ADAMTS14: variants seen among roughly 807,000 people sequenced by gnomAD.
The protein encoded by ADAMTS14 is A disintegrin and metalloproteinase with thrombospondin motifs 14.
Under a neutral mutation model 128.6 loss-of-function variants are expected in ADAMTS14, and 100 were observed. The ratio of observed to expected loss-of-function variants is 0.78; its 90% CI spans 0.66 to 0.92. The LOEUF (loss-of-function observed/expected upper bound fraction) is 0.92, where lower values mean the gene tolerates loss of function less well. ADAMTS14 is among the 40% of genes least tolerant of loss of function. The pLI is 0.00. For missense variants in ADAMTS14, 1,562 were observed against 1,658.6 expected (o/e 0.94, Z 1.01); for synonymous variants, 665 against 653.8 (o/e 1.02, Z -0.26).
chr10:70,743,457 C>T (rs1034113329), intron 12 of ADAMTS14, 91 bp from the exon 13 acceptor site: 28 of 1,462,146 alleles, frequency 1.9e-5, no homozygotes, highest in African/African-American at 4.4e-5. Context: ...GAGCTGGCCC[C>T]GGAGCTTTCT....
chr10:70,680,814 G>A (rs1839779851), intron 2 of ADAMTS14, among the ~76,000 whole-genome samples: 1 of 152,154 alleles, frequency 6.6e-6, no homozygotes, highest in African/African-American at 2.4e-5. Context: ...GCTGATTTTT[G>A]TATTTTTAGT....
At chr10:70,740,685 G>A (rs1841967658) in intron 11 of ADAMTS14, among the ~76,000 whole-genome samples, 1 of 152,200 alleles carries the variant, frequency 6.6e-6, no homozygotes, top group South Asian at 2.1e-4. Flanking sequence ...TTCTCTTCCA[G>A]TCCAGCTGGA....
At chr10:70,730,417 G>T (rs1258752440) in intron 6 of ADAMTS14, among the ~76,000 whole-genome samples, 168 bp downstream of exon 6, 2 of 152,234 alleles carry the variant, frequency 1.3e-5, no homozygotes, top group Non-Finnish European at 2.9e-5. Flanking sequence ...TATTGGGACC[G>T]TGGGAAGTAG....
intron 2 of ADAMTS14, among the ~76,000 whole-genome samples, chr10:70,681,089 C>T (rs72814518): frequency 0.17 from 25,370 of 152,222 alleles, 2,693 homozygotes; most frequent in Middle Eastern, 0.24. Context: ...GAAGCTCAGC[C>T]CTCTGCCCCT....
Position 70,735,190 on chromosome 10 carries a change from T to C in ADAMTS14, c.1374T>C (p.Asp458=), listed in dbSNP as rs772865695. The part of the protein sequence containing the change: ...RYLPSYDCLL[D]DPFDPAWPQP... ...GCAGCTCCTACGACTGCCTCCTCGA[T>C]GACCCCTTTGATCCTGCCTGGCCCC... The change falls in exon 9 of 22, where the codon GAT becomes GAC. Residue 458 remains aspartate (D), a synonymous_variant. Coordinates refer to ENST00000373207, the MANE Select transcript of ADAMTS14 (RefSeq NM_080722.4). 44 of 1,612,396 alleles carry C rather than the reference T, an allele frequency of 2.7e-5. No homozygotes were observed. Among genetic ancestry groups the C allele is most frequent in the Non-Finnish European group, 3.7e-5 (44 of 1,179,178 alleles).
intron 4 of ADAMTS14, among the ~76,000 whole-genome samples, chr10:70,720,073 T>G (rs904749330): frequency 1.3e-5 from 2 of 152,232 alleles, no homozygotes; most frequent in Non-Finnish European, 2.9e-5. Context: ...CTGGTGCCAC[T>G]CTGCACATGC....
At chr10:70,695,000 A>C (rs1564524532) in intron 2 of ADAMTS14, among the ~76,000 whole-genome samples, 3 of 152,186 alleles carry the variant, frequency 2.0e-5, no homozygotes, top group Non-Finnish European at 4.4e-5. Flanking sequence ...CCAATGTATG[A>C]GGGTTCCAGT....
At chr10:70,684,735 C>G (rs536887890) in intron 2 of ADAMTS14, among the ~76,000 whole-genome samples, 1 of 152,356 alleles carries the variant, frequency 6.6e-6, no homozygotes, top group East Asian at 1.9e-4. Context: ...GGATCCACAG[C>G]AGGTTTGTCT....
chr10:70,743,009 C>T (rs934120023), intron 12 of ADAMTS14, among the ~76,000 whole-genome samples: 8 of 152,132 alleles, frequency 5.3e-5, no homozygotes, highest in African/African-American at 1.9e-4. Context: ...GGGGTCAGAG[C>T]AGGACTCAGG....
intron 11 of ADAMTS14, 107 bp from the exon 12 acceptor site, chr10:70,740,880 C>A: frequency 8.4e-7 from 1 of 1,191,268 alleles, no homozygotes; most frequent in Non-Finnish European, 1.2e-6. Context: ...AGGCCCTTGT[C>A]ATGCTATTAT....
rs575625658 is a variant in ADAMTS14, at chr10:70,743,545, C to T, written c.1925-3C>T. The T allele has an allele frequency of 1.9e-6, 3 of 1,612,240 alleles. No homozygotes were observed. In the South Asian group the frequency reaches 3.3e-5, roughly 18 times the overall value. ...GGACTCAGCATAGTCCCTCTCCCTA[C>T]AGACGCCCAGAAGTGTGAGCTGATC... On this transcript the variant is annotated splice_polypyrimidine_tract_variant and splice_region_variant and intron_variant, in intron 12 of 21. Coordinates refer to ENST00000373207, the MANE Select transcript of ADAMTS14 (RefSeq NM_080722.4).
intron 17 of ADAMTS14, 36 bp downstream of exon 17, chr10:70,751,682 G>T: frequency 6.3e-7 from 1 of 1,594,884 alleles, no homozygotes; most frequent in Non-Finnish European, 8.6e-7. Context: ...CTTTGTTGGG[G>T]CAGCCCAGGA....
intron 4 of ADAMTS14, among the ~76,000 whole-genome samples, chr10:70,709,208 G>A (rs1479646988): frequency 1.3e-5 from 2 of 152,180 alleles, no homozygotes; most frequent in Non-Finnish European, 2.9e-5. Context: ...TGGGGAGACT[G>A]GCCGAGGAGC....
intron 19 of ADAMTS14, among the ~76,000 whole-genome samples, chr10:70,755,764 G>A (rs546901100): frequency 2.0e-5 from 3 of 152,300 alleles, no homozygotes; most frequent in East Asian, 1.9e-4. Context: ...CAGGAGAATC[G>A]CTTGAACCTG....
rs956012820 is a variant in ADAMTS14, at chr10:70,741,182, C to A, written c.1924+20C>A. Reference sequence around the variant, plus strand: ...ACGATGGTGAGTGGGCCCCACCCCCCTCCCACTCCATGTCCTTAGGCATCT... The same window carrying A: ...ACGATGGTGAGTGGGCCCCACCCCCATCCCACTCCATGTCCTTAGGCATCT... On this transcript the variant is annotated intron_variant, in intron 12 of 21. Transcript: ENST00000373207. The A allele has an allele frequency of 1.1e-5, 18 of 1,609,436 alleles. No individual in the cohort carries two copies. Among genetic ancestry groups the A allele is most frequent in the Middle Eastern group, 1.7e-4 (1 of 5,902 alleles).
chr10:70,729,053 A>G (rs1841535003), intron 4 of ADAMTS14, among the ~76,000 whole-genome samples: 1 of 152,132 alleles, frequency 6.6e-6, no homozygotes, highest in African/African-American at 2.4e-5. Context: ...GAAAGAGCTC[A>G]TGGTTGGGAT....
At chr10:70,731,681 T>C (rs1841642878) in intron 6 of ADAMTS14, among the ~76,000 whole-genome samples, 1 of 152,180 alleles carries the variant, frequency 6.6e-6, no homozygotes, top group Non-Finnish European at 1.5e-5. Flanking sequence ...CCTCAACTCC[T>C]TCCAAACCAT....
chr10:70,705,185 G>A lies in ADAMTS14; in HGVS notation c.679+2717G>A, dbSNP rs146252156. 9.6e-3 allele frequency among the ~76,000 whole-genome samples: 1,461 copies of A among 152,298 alleles called. 22 individuals are homozygous for A. Among genetic ancestry groups the A allele is most frequent in the African/African-American group, 0.034 (1,400 of 41,556 alleles). On this transcript the variant is annotated intron_variant, in intron 3 of 21. Coordinates refer to ENST00000373207, the MANE Select transcript of ADAMTS14 (RefSeq NM_080722.4). ...TCAGAGTCCAGGGGCAGGAATTCCC[G>A]GTGCTGGGCCACCAGGCTCAAGCTG...
chr10:70,748,326 ACAGT>A (rs1487636364), intron 15 of ADAMTS14, among the ~76,000 whole-genome samples: 1 of 152,192 alleles, frequency 6.6e-6, no homozygotes, highest in Non-Finnish European at 1.5e-5. Flanking sequence ...AGGTGCAGGC[ACAGT>A]CAAAGGCAAT....
Sources: gnomAD v4.1 joint callset for allele counts (sites outside exome capture counted in the v4.1 genomes callset) on GRCh38, gnomAD v4.1.1 for gene constraint, MANE v1.5 for transcripts, NCBI Gene and HGNC (gene_info 2026-07-23, HGNC 2026-07-21) for gene names.